Variants in TXNDC5 observed in about 807,000 individuals in gnomAD.
TXNDC5 encodes thioredoxin domain-containing protein 5.
A neutral mutation model predicts 52.6 loss-of-function variants in TXNDC5; 44 were observed. That is an observed-to-expected ratio of 0.84 (90% CI 0.66 to 1.08). TXNDC5 has a LOEUF of 1.08. TXNDC5 is among the 50% of genes least tolerant of loss of function. TXNDC5 has a pLI of 0.00. For missense variants in TXNDC5, 600 were observed against 565.5 expected, an observed-to-expected ratio of 1.06 and a Z score of -0.62; for synonymous variants, 241 against 234.4, an observed-to-expected ratio of 1.03 and a Z score of -0.26.
At chr6:7,907,019 G>A (rs1272556830) in intron 1 of TXNDC5, among the ~76,000 whole-genome samples, 1 of 152,198 alleles carries the variant, frequency 6.6e-6, no homozygotes, top group Non-Finnish European at 1.5e-5. Flanking sequence ...ACTGACTGGG[G>A]CGGTGTCCAA....
intron 2 of TXNDC5, among the ~76,000 whole-genome samples, chr6:7,902,821 C>T (rs370605169): frequency 6.6e-6 from 1 of 152,206 alleles, no homozygotes; most frequent in Non-Finnish European, 1.5e-5. Context: ...AAAATCTAAA[C>T]ACATGATCCA....
Position 7,890,680 on chromosome 6 carries a change from C to T in TXNDC5, c.732+941G>A, listed in dbSNP as rs566937772. On this transcript the variant is annotated intron_variant, in intron 5 of 9. Coordinates refer to ENST00000379757, the MANE Select transcript of TXNDC5 (RefSeq NM_030810.5). Reference sequence around the variant, plus strand: ...TATAATTAGTATATATTATCGTAAGCGTTTAAGAGGCAACAGTGAAATATC... The same window carrying T: ...TATAATTAGTATATATTATCGTAAGTGTTTAAGAGGCAACAGTGAAATATC... 9.1e-4 allele frequency among the ~76,000 whole-genome samples: 139 copies of T among 152,170 alleles called. 1 individual carries two copies. The highest frequency in any genetic ancestry group is 3.1e-3 in the African/African-American group (129 of 41,498).
intron 2 of TXNDC5, chr6:7,900,116 T>C (rs1266725041): frequency 6.5e-6 from 1 of 152,834 alleles, no homozygotes; most frequent in African/African-American, 2.4e-5. Flanking sequence ...CTGGCAGGTA[T>C]TCAACTCTTA....
intron 4 of TXNDC5, among the ~76,000 whole-genome samples, chr6:7,894,098 C>T (rs142482836): frequency 8.8e-4 from 134 of 152,164 alleles, no homozygotes; most frequent in African/African-American, 2.9e-3. Context: ...CATGTTATAA[C>T]GGTGTCATTA....
At position 7,883,126 on chromosome 6, in the gene TXNDC5, T is replaced by G. The variant is rs1581302738; in HGVS notation, c.*18A>C. 1 of 1,613,888 alleles carries G rather than the reference T, an allele frequency of 6.2e-7. No homozygotes were observed. ...GGGTGCGGGAGCTGGGCAGGAGAGG[T>G]GACCTCCAACTGTGTTCCTAAAGTT... On this transcript the variant is annotated 3_prime_UTR_variant, in exon 10 of 10. Coordinates refer to ENST00000379757, the MANE Select transcript of TXNDC5 (RefSeq NM_030810.5).
intron 7 of TXNDC5, 56 bp downstream of exon 7, chr6:7,888,649 G>GGGGGGCC (rs1227950979): frequency 1.9e-6 from 3 of 1,555,182 alleles, no homozygotes; most frequent in South Asian, 2.4e-5. Context: ...GTGGGGAGGT[G>GGGGGGCC]GGGGGCCGGG....
chr6:7,882,811 A>C lies in TXNDC5; in HGVS notation c.*333T>G, dbSNP rs1581302176. ...CAAAATCACTCAACTCAGGAGCCAC[A>C]AATAGTCCAGCAATTTCATTTCCCT... On this transcript the variant is annotated 3_prime_UTR_variant, in exon 10 of 10. Transcript: ENST00000379757. The C allele has an allele frequency of 9.1e-6, 2 of 220,364 alleles. No individual in the cohort carries two copies. The highest frequency in any genetic ancestry group is 2.1e-4 in the East Asian group (2 of 9,722). 13.7% of individuals were successfully genotyped at this position (220,364 alleles called of 1,614,324 possible).
At chr6:7,910,295 G>T (rs1290551713) in intron 1 of TXNDC5, among the ~76,000 whole-genome samples, 1 of 149,398 alleles carries the variant, frequency 6.7e-6, no homozygotes, top group African/African-American at 2.5e-5. Flanking sequence ...CCGCCAGCCG[G>T]AGCCCCGAAC....
chr6:7,889,051 T>C (rs1326874548), intron 6 of TXNDC5: 9 of 595,946 alleles, frequency 1.5e-5, no homozygotes, highest in Non-Finnish European at 2.4e-5. Context: ...TACAGGCCCC[T>C]CTTCCCTCCA....
chr6:7,900,035 T>TTG (rs61000805), intron 2 of TXNDC5: 160,376 of 160,394 alleles, frequency 1, 80,179 homozygotes, highest in Middle Eastern at 1. Flanking sequence ...TCAGCAGTTG[T>TTG]TGTCTGTGTT....
intron 3 of TXNDC5, among the ~76,000 whole-genome samples, chr6:7,897,954 G>T (rs565488993): frequency 6.6e-6 from 1 of 152,170 alleles, no homozygotes; most frequent in African/African-American, 2.4e-5. Flanking sequence ...CCAGGACAAA[G>T]ATGCAAATTT....
At chr6:7,900,227 G>A (rs1371184783) in intron 2 of TXNDC5, 1 of 152,222 alleles carries the variant, frequency 6.6e-6, no homozygotes, top group Non-Finnish European at 1.5e-5. Context: ...CATAGAGAAG[G>A]AATCTTTTCT....
At position 7,904,584 on chromosome 6, in the gene TXNDC5, C is replaced by G; in HGVS notation, c.403G>C (p.Gly135Arg). Residue 135 changes from glycine (G) to arginine (R), a missense_variant, in exon 2 of 10, where the codon GGA becomes CGA. Gly to Arg is a moderately radical substitution (Grantham distance 125, BLOSUM62 -2). Coordinates refer to ENST00000379757, the MANE Select transcript of TXNDC5 (RefSeq NM_030810.5). ...TTCCTTCCAACTTACGTGGGGTATC[C>G]TCGCACCCCCTGGGCGGAGCACACG... ...SDVCSAQGVR[G>R]YPTLKLFKPG... The G allele has an allele frequency of 1.2e-6, 2 of 1,614,140 alleles. No individual in the cohort carries two copies. Among genetic ancestry groups the G allele is most frequent in the South Asian group, 2.2e-5 (2 of 91,078 alleles).
rs1207193194 is a variant in TXNDC5 at position 7,906,535 on chromosome 6, CA to C, written c.264-1813del. On this transcript the variant is annotated intron_variant, in intron 1 of 9. Transcript: ENST00000379757. ...TGGGCGATAGAGCAAGACTCCATCT[CA>C]AAAAAAAAAAAAAAAAAAAAAGAAA... Among the ~76,000 whole-genome samples, 214 of 42,540 alleles carry C rather than the reference CA, an allele frequency of 5.0e-3. 2 individuals carry two copies. The highest frequency in any genetic ancestry group is 0.018 in the African/African-American group (149 of 8,454). 27.9% of individuals were successfully genotyped at this position (42,540 alleles called of 152,430 possible). A position where few individuals can be genotyped will look rare whatever the true frequency, so the allele number is the denominator to read the frequency against.
intron 4 of TXNDC5, among the ~76,000 whole-genome samples, chr6:7,892,867 A>G (rs1760242384): frequency 6.6e-6 from 1 of 152,312 alleles, no homozygotes; most frequent in South Asian, 2.1e-4. Flanking sequence ...ACGGACTAAT[A>G]CAAGTGGTTT....
intron 1 of TXNDC5, among the ~76,000 whole-genome samples, chr6:7,909,207 G>C (rs577297843): frequency 2.6e-5 from 4 of 152,304 alleles, no homozygotes; most frequent in South Asian, 4.1e-4. Context: ...TACAATTTCT[G>C]AACTGGCCAT....
intron 1 of TXNDC5, among the ~76,000 whole-genome samples, chr6:7,907,260 G>C (rs923511973): frequency 2.6e-5 from 4 of 151,630 alleles, no homozygotes; most frequent in South Asian, 2.1e-4. Flanking sequence ...ACCATTCTGG[G>C]CCATCACCAA....
rs568274088 is a variant in TXNDC5 at position 7,894,250 on chromosome 6, G to A, written c.616+856C>T. 6.0e-5 allele frequency among the ~76,000 whole-genome samples: 9 copies of A among 151,164 alleles called. No individual in the cohort carries two copies. The East Asian group carries it at 7.8e-4, about 13-fold the overall frequency. On this transcript the variant is annotated intron_variant, in intron 4 of 9. Transcript: ENST00000379757. ...CTTCCCACCTCAGCTTCAGGAGTGC[G>A]CTTACCATACCCAGCCTTTTTTTTT... is the stretch of plus-strand genomic sequence containing the variant.
rs1390431020 is a variant in TXNDC5, at chr6:7,882,783, C to T, written c.*361G>A. The T allele has an allele frequency of 1.0e-5, 2 of 198,334 alleles. No individual in the cohort carries two copies. The highest frequency in any genetic ancestry group is 4.7e-5 in the African/African-American group (2 of 42,938). 12.3% of individuals were successfully genotyped at this position (198,334 alleles called of 1,614,324 possible). ...ACTATGCTTTGGATGTGCTTTCTTT[C>T]ACCAAAATCACTCAACTCAGGAGCC... On this transcript the variant is annotated 3_prime_UTR_variant, in exon 10 of 10. Transcript: ENST00000379757.
Sources: gnomAD v4.1 joint callset for allele counts (sites outside exome capture counted in the v4.1 genomes callset) on GRCh38, gnomAD v4.1.1 for gene constraint, MANE v1.5 for transcripts, NCBI Gene and HGNC (gene_info 2026-07-23, HGNC 2026-07-21) for gene names.